FAM178B: variants seen among roughly 807,000 people sequenced by gnomAD.
The protein encoded by FAM178B is family with sequence similarity 178 member B.
Under a neutral mutation model 91.7 loss-of-function variants are expected in FAM178B, and 82 were observed. That is an observed-to-expected ratio of 0.89 (90% CI 0.75 to 1.07). The LOEUF (loss-of-function observed/expected upper bound fraction) is 1.07. Among genes scored for constraint, FAM178B ranks in the 50% least tolerant of loss-of-function variants. The probability of loss-of-function intolerance (pLI) is 0.00; values close to 1 mark genes in which losing one functional copy is unlikely to be tolerated. For missense variants in FAM178B, 769 were observed against 846.7 expected, an observed-to-expected ratio of 0.91 and a Z score of 1.14; for synonymous variants, 368 against 359.4, an observed-to-expected ratio of 1.02 and a Z score of -0.27.
intron 14 of FAM178B, among the ~76,000 whole-genome samples, chr2:96,887,532 G>A (rs779794433): frequency 1.3e-5 from 2 of 152,200 alleles, no homozygotes; most frequent in East Asian, 1.9e-4. Context: ...TCTGGGCTCC[G>A]CAGGAAGGAG....
chr2:96,886,599 T>C (rs1170289875), intron 14 of FAM178B, among the ~76,000 whole-genome samples: 2 of 152,196 alleles, frequency 1.3e-5, no homozygotes, highest in Non-Finnish European at 2.9e-5. Context: ...CTAAGTCTGA[T>C]GAACTGTCCC....
At chr2:96,954,073 T>C (rs528451176) in intron 6 of FAM178B, among the ~76,000 whole-genome samples, 1 of 152,306 alleles carries the variant, frequency 6.6e-6, no homozygotes, top group East Asian at 1.9e-4. Flanking sequence ...GGTGCCTCTG[T>C]CCACGGCCAA....
At chr2:96,975,536 A>G (rs2082277951) in intron 1 of FAM178B, among the ~76,000 whole-genome samples, 1 of 152,190 alleles carries the variant, frequency 6.6e-6, no homozygotes, top group African/African-American at 2.4e-5. Flanking sequence ...GATATCCATC[A>G]CCTTAAATGC....
chr2:96,882,848 G>A (rs2080420660), intron 14 of FAM178B, among the ~76,000 whole-genome samples: 1 of 152,260 alleles, frequency 6.6e-6, no homozygotes, highest in Non-Finnish European at 1.5e-5. Flanking sequence ...AGTCAGGCTG[G>A]GAAGCCCTAA....
chr2:96,975,822 A>G (rs1237884537), intron 1 of FAM178B, among the ~76,000 whole-genome samples: 1 of 152,248 alleles, frequency 6.6e-6, no homozygotes, highest in Non-Finnish European at 1.5e-5. Flanking sequence ...AGCTAACTGC[A>G]GTCAATCACA....
At chr2:96,898,731 G>T (rs987194291) in intron 13 of FAM178B, among the ~76,000 whole-genome samples, 2 of 152,216 alleles carry the variant, frequency 1.3e-5, no homozygotes, top group African/African-American at 4.8e-5. Flanking sequence ...ATGGATGACA[G>T]TAAGTCTGAG....
intron 8 of FAM178B, among the ~76,000 whole-genome samples, chr2:96,932,829 A>G (rs1019954489): frequency 2.4e-4 from 36 of 151,400 alleles, no homozygotes; most frequent in African/African-American, 7.8e-4. Context: ...AATCCCAGCT[A>G]CTTAGGAGGC....
intron 1 of FAM178B, among the ~76,000 whole-genome samples, chr2:96,973,624 C>A (rs897833352): frequency 6.6e-6 from 1 of 152,170 alleles, no homozygotes; most frequent in Non-Finnish European, 1.5e-5. Flanking sequence ...AAACAAACAA[C>A]AAGATTCAAA....
At position 96,878,528 on chromosome 2, in the gene FAM178B, A is replaced by C. The variant is rs898036790; in HGVS notation, c.1777-35T>G. ...GAGCACAGGGAGAGCTGCTTCTCTAACTCCACCCAGGGCAGCATGGCGTGC... is the reference window on the plus strand; with the variant it reads ...GAGCACAGGGAGAGCTGCTTCTCTACCTCCACCCAGGGCAGCATGGCGTGC... On this transcript the variant is annotated intron_variant, in intron 14 of 16. Transcript: ENST00000490605. The C allele has an allele frequency of 7.5e-6, 12 of 1,603,034 alleles. No homozygotes were observed. The Admixed American group carries it at 1.3e-4, about 18-fold the overall frequency.
intron 8 of FAM178B, among the ~76,000 whole-genome samples, chr2:96,937,229 C>A (rs1382598892): frequency 8.5e-6 from 1 of 117,504 alleles, no homozygotes; most frequent in Non-Finnish European, 1.7e-5. Flanking sequence ...TAGGGAGTGT[C>A]AAAAATTACT....
chr2:96,927,595 C>A (rs1005258240), intron 9 of FAM178B, among the ~76,000 whole-genome samples: 14 of 152,138 alleles, frequency 9.2e-5, no homozygotes, highest in African/African-American at 3.4e-4. Flanking sequence ...GGTTTGTGTC[C>A]CAAAGTACTT....
chr2:96,976,805 G>T (rs1468674777), intron 1 of FAM178B, among the ~76,000 whole-genome samples: 1 of 151,918 alleles, frequency 6.6e-6, no homozygotes, highest in African/African-American at 2.4e-5. Context: ...CTAAGATCAT[G>T]CCACTGCACT....
At chr2:96,959,812 A>AT (rs2082054920) in intron 6 of FAM178B, among the ~76,000 whole-genome samples, 2 of 152,248 alleles carry the variant, frequency 1.3e-5, no homozygotes, top group African/African-American at 4.8e-5. Flanking sequence ...CCCAAAAAGA[A>AT]TAAGACAGCT....
At chr2:96,950,534 G>A (rs1239268239) in intron 7 of FAM178B, among the ~76,000 whole-genome samples, 1 of 152,106 alleles carries the variant, frequency 6.6e-6, no homozygotes, top group East Asian at 1.9e-4. Flanking sequence ...TTACAGCTGG[G>A]GTCCAGGCTC....
chr2:96,937,710 T>C (rs1013936763), intron 8 of FAM178B, among the ~76,000 whole-genome samples: 2 of 152,082 alleles, frequency 1.3e-5, no homozygotes, highest in African/African-American at 2.4e-5. Context: ...CATCCTCTGA[T>C]CAGAGTCTAA....
chr2:96,973,181 C>G (rs926142666), intron 1 of FAM178B, among the ~76,000 whole-genome samples: 7 of 149,434 alleles, frequency 4.7e-5, no homozygotes, highest in Non-Finnish European at 8.9e-5. Flanking sequence ...GCATGCCAGC[C>G]TGGCAACAGA....
At chr2:96,905,194 A>C (rs2081007808) in intron 12 of FAM178B, among the ~76,000 whole-genome samples, 1 of 152,152 alleles carries the variant, frequency 6.6e-6, no homozygotes, top group African/African-American at 2.4e-5. Context: ...ACTTGTGAAA[A>C]TGCACTGAGC....
At chr2:96,935,291 G>A (rs1464963236) in intron 8 of FAM178B, among the ~76,000 whole-genome samples, 2 of 152,178 alleles carry the variant, frequency 1.3e-5, no homozygotes, top group African/African-American at 4.8e-5. Context: ...AGACCCAACT[G>A]TACCTGCAGG....
At position 96,981,086 on chromosome 2, in the gene FAM178B, C is replaced by T. The variant is rs1025301177; in HGVS notation, c.73+5155G>A. 5.3e-5 allele frequency among the ~76,000 whole-genome samples: 8 copies of T among 152,160 alleles called. No homozygotes were observed. In the East Asian group the frequency reaches 1.5e-3, roughly 29 times the overall value. ...GTCCAAGTGATTCTCCTGCCTCAGC[C>T]TCCCAAGTAGCTGGGATTACAGGCA... On this transcript the variant is annotated intron_variant, in intron 1 of 16. Transcript: ENST00000490605.
Sources: allele counts gnomAD v4.1 joint callset (sites outside exome capture counted in the v4.1 genomes callset), GRCh38; gene constraint gnomAD v4.1.1; transcripts MANE v1.5; gene names NCBI Gene and HGNC (gene_info 2026-07-23, HGNC 2026-07-21).